Variants in PHF21B observed in about 807,000 individuals in gnomAD.
The protein encoded by PHF21B is PHD finger protein 21B.
Under a neutral mutation model 62.2 loss-of-function variants are expected in PHF21B, and 22 were observed. The observed-to-expected ratio is 0.35, with a 90% CI of 0.25 to 0.51. The LOEUF (loss-of-function observed/expected upper bound fraction) is 0.51. PHF21B is among the 20% of genes least tolerant of loss of function. The pLI, the probability that PHF21B is intolerant of heterozygous loss-of-function variation, is 0.97. For synonymous variants in PHF21B, 341 were observed against 314.7 expected (o/e 1.08, Z -0.88); for missense variants, 701 against 707.9 (o/e 0.99, Z 0.11).
intron 2 of PHF21B, among the ~76,000 whole-genome samples, chr22:44,998,409 C>T (rs546099829): frequency 2.0e-4 from 30 of 152,294 alleles, no homozygotes; most frequent in Non-Finnish European, 3.5e-4. Flanking sequence ...ATGGGCCAAG[C>T]GCAGTGATCA....
intron 2 of PHF21B, among the ~76,000 whole-genome samples, chr22:44,995,619 C>T (rs1284534376): frequency 2.0e-5 from 3 of 152,126 alleles, no homozygotes; most frequent in African/African-American, 2.4e-5. Context: ...TCTTGAATCT[C>T]GGGAATCACC....
intron 2 of PHF21B, among the ~76,000 whole-genome samples, chr22:44,979,217 G>A (rs915798925): frequency 6.6e-6 from 1 of 152,240 alleles, no homozygotes; most frequent in Non-Finnish European, 1.5e-5. Context: ...GGGCAGTGGG[G>A]TACAGGGAGG....
intron 2 of PHF21B, among the ~76,000 whole-genome samples, chr22:44,943,015 A>G (rs2071991692): frequency 7.2e-6 from 1 of 138,566 alleles, no homozygotes. Flanking sequence ...CCCCATCCTC[A>G]GAAGGGCTGA....
chr22:44,996,212 T>C (rs1287791809), intron 2 of PHF21B, among the ~76,000 whole-genome samples: 1 of 152,044 alleles, frequency 6.6e-6, no homozygotes, highest in Non-Finnish European at 1.5e-5. Flanking sequence ...ACAGCTTCGG[T>C]GTCTGCCATC....
At chr22:44,928,132 G>A (rs2071669294) in intron 2 of PHF21B, among the ~76,000 whole-genome samples, 1 of 152,120 alleles carries the variant, frequency 6.6e-6, no homozygotes, top group Admixed American at 6.5e-5. Context: ...TGGCTCTGGA[G>A]CTCTGCCAGG....
chr22:44,923,219 A>T (rs1402415469), intron 2 of PHF21B, among the ~76,000 whole-genome samples: 2 of 152,162 alleles, frequency 1.3e-5, no homozygotes, highest in Non-Finnish European at 2.9e-5. Context: ...AAAGCCCAAA[A>T]AGGTAATTAA....
rs548575912 is a variant in PHF21B at position 44,882,863 on chromosome 22, C to G, written c.*223G>C. 1.3e-5 allele frequency: 7 copies of G among 545,350 alleles called. No homozygotes were observed. Among genetic ancestry groups the G allele is most frequent in the African/African-American group, 3.9e-5 (2 of 51,652 alleles). 33.8% of individuals were successfully genotyped at this position (545,350 alleles called of 1,614,324 possible). A position where few individuals can be genotyped will look rare whatever the true frequency, so the allele number is the denominator to read the frequency against. ...TGTGCCCCAGCCTGTCGTACCCCAC[C>G]TGGCTCCTAGGTACCCCCTGTGAAT... On this transcript the variant is annotated 3_prime_UTR_variant, in exon 13 of 13. Transcript: ENST00000313237.
At chr22:44,926,482 G>A (rs568537139) in intron 2 of PHF21B, among the ~76,000 whole-genome samples, 24 of 152,372 alleles carry the variant, frequency 1.6e-4, no homozygotes, top group Admixed American at 1.6e-3. Context: ...GGGCCAGCCC[G>A]TGAGGAGGTG....
intron 5 of PHF21B, chr22:44,902,323 C>T (rs2071174280): frequency 3.0e-6 from 1 of 333,018 alleles, no homozygotes; most frequent in Non-Finnish European, 6.0e-6. Flanking sequence ...AAGCTGTGGA[C>T]TCACAAATTT....
At chr22:44,898,133 C>T (rs1014819340) in intron 5 of PHF21B, among the ~76,000 whole-genome samples, 3 of 152,168 alleles carry the variant, frequency 2.0e-5, no homozygotes, top group African/African-American at 7.2e-5. Flanking sequence ...CAGGATCCCA[C>T]ATGATATTTA....
intron 2 of PHF21B, among the ~76,000 whole-genome samples, chr22:44,960,955 G>GCTT (rs2072406171): frequency 2.5e-5 from 1 of 39,834 alleles, no homozygotes. Context: ...CACGTGAGTT[G>GCTT]ATTTTTTTTT....
intron 2 of PHF21B, among the ~76,000 whole-genome samples, chr22:44,988,370 G>C (rs776316592): frequency 2.6e-5 from 4 of 152,196 alleles, no homozygotes; most frequent in Non-Finnish European, 5.9e-5. Flanking sequence ...GCTGAGGTGG[G>C]AGGATTGCTT....
chr22:45,008,462 G>A (rs993356437), intron 2 of PHF21B, 83 bp downstream of exon 2: 3 of 1,341,976 alleles, frequency 2.2e-6, no homozygotes, highest in Non-Finnish European at 3.0e-6. Context: ...GCGTCGCCCA[G>A]GCTGGCACTT....
At chr22:44,906,112 G>C (rs112748673) in intron 5 of PHF21B, among the ~76,000 whole-genome samples, 3 of 152,286 alleles carry the variant, frequency 2.0e-5, no homozygotes, top group African/African-American at 7.2e-5. Context: ...TCCGAACCAA[G>C]GGTGTGGGTC....
intron 2 of PHF21B, among the ~76,000 whole-genome samples, chr22:44,943,639 C>G (rs540249407): frequency 3.8e-4 from 58 of 152,296 alleles, no homozygotes; most frequent in Middle Eastern, 3.4e-3. Flanking sequence ...ACTCCCACCC[C>G]CTTTGTAAAG....
chr22:44,991,459 T>G (rs1219172075), intron 2 of PHF21B, among the ~76,000 whole-genome samples: 2 of 151,372 alleles, frequency 1.3e-5, no homozygotes, highest in African/African-American at 4.9e-5. Context: ...TGACAGATGA[T>G]CCCACTGAGC....
chr22:44,920,732 G>T (rs1388959949), intron 2 of PHF21B, among the ~76,000 whole-genome samples: 1 of 152,180 alleles, frequency 6.6e-6, no homozygotes, highest in Non-Finnish European at 1.5e-5. Context: ...TTACACATTG[G>T]CTTCCTCTTT....
intron 2 of PHF21B, among the ~76,000 whole-genome samples, chr22:44,957,161 G>T (rs2072316354): frequency 6.6e-6 from 1 of 152,170 alleles, no homozygotes; most frequent in African/African-American, 2.4e-5. Context: ...GGCCTCCCTG[G>T]CTGTGGACCC....
At chr22:45,007,670 G>A (rs1448536788) in intron 2 of PHF21B, among the ~76,000 whole-genome samples, 1 of 137,422 alleles carries the variant, frequency 7.3e-6, no homozygotes, top group Non-Finnish European at 1.6e-5. Context: ...AAAGTTCTCG[G>A]CTCGGGGCTG....
Sources: gnomAD v4.1 joint callset for allele counts (sites outside exome capture counted in the v4.1 genomes callset) on GRCh38, gnomAD v4.1.1 for gene constraint, MANE v1.5 for transcripts, NCBI Gene and HGNC (gene_info 2026-07-23, HGNC 2026-07-21) for gene names.